Variants in KIAA1328 observed in about 807,000 individuals in gnomAD.
KIAA1328 encodes KIAA1328, also known as protein hinderin.
Under a neutral mutation model 68.1 loss-of-function variants are expected in KIAA1328, and 52 were observed. That is an observed-to-expected ratio of 0.76 (90% CI 0.61 to 0.96). The LOEUF is 0.96. KIAA1328 is among the 40% of genes least tolerant of loss of function. KIAA1328 has a pLI of 0.00. For missense variants in KIAA1328, 641 were observed against 677.6 expected (o/e 0.95, Z 0.60); for synonymous variants, 232 against 239.4 (o/e 0.97, Z 0.28).
chr18:36,971,196 A>G (rs536958446), intron 6 of KIAA1328, among the ~76,000 whole-genome samples: 57 of 152,332 alleles, frequency 3.7e-4, no homozygotes, highest in Admixed American at 1.6e-3. Flanking sequence ...AGCAATGGAG[A>G]AAGGATTCCC....
chr18:37,192,213 G>A (rs1389729345), intron 9 of KIAA1328, among the ~76,000 whole-genome samples: 1 of 151,424 alleles, frequency 6.6e-6, no homozygotes, highest in Non-Finnish European at 1.5e-5. Flanking sequence ...GAGGGGCAAG[G>A]GTGTTTCTTG....
At chr18:37,117,898 A>C (rs2058162506) in intron 7 of KIAA1328, among the ~76,000 whole-genome samples, 1 of 150,968 alleles carries the variant, frequency 6.6e-6, no homozygotes, top group Admixed American at 6.6e-5. Flanking sequence ...ATATATATAT[A>C]TATACTAACA....
At chr18:36,883,951 A>G (rs969010968) in intron 4 of KIAA1328, among the ~76,000 whole-genome samples, 1 of 73,014 alleles carries the variant, frequency 1.4e-5, no homozygotes, top group Non-Finnish European at 2.7e-5. Context: ...ATATTTATAA[A>G]GTATATATAT....
rs993851969 is a variant in KIAA1328, at chr18:37,222,999, A to G, written c.*772A>G. The G allele has an allele frequency of 1.7e-5, 17 of 985,390 alleles. No homozygotes were observed. Among genetic ancestry groups the G allele is most frequent in the South Asian group, 9.4e-5 (2 of 21,278 alleles). 61.0% of individuals were successfully genotyped at this position (985,390 alleles called of 1,614,324 possible). On this transcript the variant is annotated 3_prime_UTR_variant, in exon 10 of 10. Coordinates refer to ENST00000280020, the MANE Select transcript of KIAA1328 (RefSeq NM_020776.3). The stretch of plus-strand genomic sequence containing the variant: ...ACCCCTCCAATATCCCAGAATGAAT[A>G]AGAACAATCCCTAGGTATTTTTATT...
intron 7 of KIAA1328, among the ~76,000 whole-genome samples, chr18:37,079,884 CA>C (rs200381832): frequency 0.071 from 6,768 of 95,198 alleles, 228 homozygotes; most frequent in Non-Finnish European, 0.088. Context: ...AAGGCTGTCT[CA>C]AAAAAAAAAA....
rs1043003814 is a variant in KIAA1328, at chr18:37,211,783, C to T, written c.1524-10234C>T. ...GTACTCAGAAAGAATTTGAAGCCCA[C>T]AGTTCTCTTTCAAATGATTGAATAT... On this transcript the variant is annotated intron_variant, in intron 9 of 9. Coordinates refer to ENST00000280020, the MANE Select transcript of KIAA1328 (RefSeq NM_020776.3). Among the ~76,000 whole-genome samples, 11 of 152,258 alleles carry T rather than the reference C, an allele frequency of 7.2e-5. 1 individual carries two copies. The highest frequency in any genetic ancestry group is 6.2e-4 in the South Asian group (3 of 4,832).
At chr18:37,101,335 G>A (rs2057608640) in intron 7 of KIAA1328, among the ~76,000 whole-genome samples, 1 of 152,202 alleles carries the variant, frequency 6.6e-6, no homozygotes, top group African/African-American at 2.4e-5. Flanking sequence ...ACCTGATGGA[G>A]CTGAAAACCA....
intron 9 of KIAA1328, among the ~76,000 whole-genome samples, chr18:37,195,676 C>T (rs1568521274): frequency 6.6e-6 from 1 of 152,166 alleles, no homozygotes; most frequent in Non-Finnish European, 1.5e-5. Flanking sequence ...TATGCCAGTA[C>T]CATGCTGTTT....
intron 5 of KIAA1328, among the ~76,000 whole-genome samples, chr18:36,893,465 T>TTTTGTG (rs1556812093): frequency 5.0e-5 from 6 of 120,650 alleles, no homozygotes; most frequent in East Asian, 2.5e-4. Context: ...GTGTGTGTTT[T>TTTTGTG]TGTGTGTGTG....
At chr18:37,229,056 A>G (rs2060653282), downstream of KIAA1328, among the ~76,000 whole-genome samples, 1 of 152,160 alleles carries the variant, frequency 6.6e-6, no homozygotes, top group Admixed American at 6.5e-5. Context: ...TATAGTGGCG[A>G]TCTGGAACTA....
chr18:37,122,694 T>A (rs1413735312), intron 7 of KIAA1328, among the ~76,000 whole-genome samples: 3 of 152,000 alleles, frequency 2.0e-5, no homozygotes, highest in Non-Finnish European at 2.9e-5. Flanking sequence ...GGTATTTCCA[T>A]GTGGTATTCT....
chr18:37,202,163 T>G (rs568356930), intron 9 of KIAA1328, among the ~76,000 whole-genome samples: 2 of 152,268 alleles, frequency 1.3e-5, no homozygotes, highest in Admixed American at 1.3e-4. Flanking sequence ...AAAGCATACT[T>G]TACCCAGTTG....
chr18:37,180,434 A>T (rs1045650314), intron 9 of KIAA1328, among the ~76,000 whole-genome samples: 1 of 152,220 alleles, frequency 6.6e-6, no homozygotes, highest in Non-Finnish European at 1.5e-5. Context: ...TCTGACGTGT[A>T]AGCACTGAGC....
At chr18:36,833,753 T>G (rs1409608718) in intron 1 of KIAA1328, among the ~76,000 whole-genome samples, 2 of 152,222 alleles carry the variant, frequency 1.3e-5, no homozygotes, top group African/African-American at 4.8e-5. Context: ...TCAAAATAGT[T>G]CTTTTTGTCT....
intron 6 of KIAA1328, among the ~76,000 whole-genome samples, chr18:37,025,869 A>T (rs1439782602): frequency 2.0e-5 from 3 of 152,206 alleles, no homozygotes; most frequent in African/African-American, 7.2e-5. Flanking sequence ...GAAATAACTA[A>T]GATCAGAGCA....
chr18:36,836,759 A>G (rs2046688487), intron 3 of KIAA1328, among the ~76,000 whole-genome samples: 1 of 152,088 alleles, frequency 6.6e-6, no homozygotes, highest in Admixed American at 6.6e-5. Flanking sequence ...TCACTCTAGA[A>G]AGAAACCCCA....
chr18:37,073,697 C>G (rs532820731), intron 7 of KIAA1328, among the ~76,000 whole-genome samples: 1 of 152,236 alleles, frequency 6.6e-6, no homozygotes, highest in African/African-American at 2.4e-5. Context: ...TAAGTATTTT[C>G]CAGAGCTAAA....
intron 7 of KIAA1328, among the ~76,000 whole-genome samples, chr18:37,143,736 T>G (rs910005185): frequency 5.3e-5 from 8 of 152,174 alleles, no homozygotes; most frequent in African/African-American, 1.9e-4. Context: ...CTGGGAGTTT[T>G]TAATCATAAC....
intron 5 of KIAA1328, among the ~76,000 whole-genome samples, chr18:36,953,012 AAAG>A (rs906762967): frequency 9.2e-5 from 14 of 151,904 alleles, no homozygotes; most frequent in Admixed American, 3.9e-4. Context: ...CAAAAAAAAA[AAAG>A]TTTTCCTGCA....
Sources: gnomAD v4.1 joint callset for allele counts (sites outside exome capture counted in the v4.1 genomes callset) on GRCh38, gnomAD v4.1.1 for gene constraint, MANE v1.5 for transcripts, NCBI Gene and HGNC (gene_info 2026-07-23, HGNC 2026-07-21) for gene names.